CDH13: variants seen among roughly 807,000 people sequenced by gnomAD.
CDH13 encodes cadherin-13.
A neutral mutation model predicts 63.8 loss-of-function variants in CDH13; 24 were observed. The observed-to-expected ratio is 0.38, with a 90% CI of 0.27 to 0.53. The LOEUF is 0.53. Ranked by LOEUF, CDH13 falls within the 20% of genes least tolerant of loss-of-function variation. The pLI is 0.85. For synonymous variants in CDH13, 503 were observed against 355.3 expected (o/e 1.42, Z -4.67); for missense variants, 1,049 against 903.1 (o/e 1.16, Z -2.07).
intron 1 of CDH13, among the ~76,000 whole-genome samples, chr16:82,664,266 G>C (rs1193290811): frequency 6.6e-6 from 1 of 152,242 alleles, no homozygotes; most frequent in Non-Finnish European, 1.5e-5. Flanking sequence ...CTCCTCCTCA[G>C]ATGGATGGAG....
At chr16:82,806,020 A>G (rs976171454) in intron 1 of CDH13, among the ~76,000 whole-genome samples, 3 of 152,200 alleles carry the variant, frequency 2.0e-5, no homozygotes, top group African/African-American at 4.8e-5. Flanking sequence ...CTTACAAGGC[A>G]CATGGCAGGT....
At chr16:83,663,656 G>GGA (rs1209943082) in intron 8 of CDH13, among the ~76,000 whole-genome samples, 1 of 152,134 alleles carries the variant, frequency 6.6e-6, no homozygotes, top group Non-Finnish European at 1.5e-5. Flanking sequence ...CTCAACAATG[G>GGA]GAGAGGCATG....
At chr16:83,693,656 G>A (rs561622854) in intron 10 of CDH13, among the ~76,000 whole-genome samples, 17 of 152,266 alleles carry the variant, frequency 1.1e-4, no homozygotes, top group African/African-American at 2.9e-4. Context: ...AATGAATGGC[G>A]AACTGCTATT....
chr16:83,171,495 T>G, intron 4 of CDH13: 1 of 1,524,280 alleles, frequency 6.6e-7, no homozygotes, highest in Non-Finnish European at 8.8e-7. Flanking sequence ...GAAAATAGAC[T>G]GCCCATAAAT....
At chr16:82,740,581 G>C (rs1305779493) in intron 1 of CDH13, among the ~76,000 whole-genome samples, 1 of 152,122 alleles carries the variant, frequency 6.6e-6, no homozygotes, top group East Asian at 1.9e-4. Flanking sequence ...ATCTAGGCTG[G>C]GCTCAGCTGG....
intron 2 of CDH13, among the ~76,000 whole-genome samples, chr16:82,922,771 C>A (rs1052233652): frequency 8.5e-5 from 13 of 152,108 alleles, no homozygotes; most frequent in Non-Finnish European, 1.9e-4. Context: ...AAAATAAAAT[C>A]TCTTTGGTGA....
intron 5 of CDH13, among the ~76,000 whole-genome samples, chr16:83,286,009 C>T (rs527660039): frequency 6.6e-5 from 10 of 152,234 alleles, no homozygotes; most frequent in African/African-American, 2.4e-4. Context: ...GAGCAAAGAG[C>T]CGTTGCCCAA....
intron 3 of CDH13, among the ~76,000 whole-genome samples, chr16:83,036,394 C>T (rs909736499): frequency 2.5e-4 from 38 of 152,182 alleles, no homozygotes; most frequent in African/African-American, 9.2e-4. Context: ...AAGTGATCCT[C>T]CTGCCTCAGC....
intron 7 of CDH13, among the ~76,000 whole-genome samples, chr16:83,602,107 C>A (rs796400871): frequency 0.026 from 207 of 7,928 alleles, 1 homozygote; most frequent in East Asian, 0.062. Flanking sequence ...AGAACAACAA[C>A]AAAAAAAAAA....
chr16:83,469,654 C>T (rs893827956), intron 6 of CDH13, among the ~76,000 whole-genome samples: 1 of 152,072 alleles, frequency 6.6e-6, no homozygotes, highest in Non-Finnish European at 1.5e-5. Flanking sequence ...AAAATGTGGC[C>T]AGTGGAAGGT....
chr16:83,177,627 T>C (rs906145242), intron 4 of CDH13, among the ~76,000 whole-genome samples: 1 of 152,198 alleles, frequency 6.6e-6, no homozygotes, highest in Non-Finnish European at 1.5e-5. Flanking sequence ...TGGGGACCAT[T>C]ACTCTTGCCT....
In CDH13 at chr16:82,879,180, C is replaced by G. The variant is rs998225451; in HGVS notation, c.157+20707C>G. Among the ~76,000 whole-genome samples the G allele has an allele frequency of 4.6e-5, 7 of 152,094 alleles. 1 individual carries two copies. The highest frequency in any genetic ancestry group is 4.6e-4 in the Admixed American group (7 of 15,248). ...TCATAGTATTGGTGGCAGGCAGATG[C>G]CCAGCTCTGGCACCTGAATGCTTGG... On this transcript the variant is annotated intron_variant, in intron 2 of 13. Transcript: ENST00000567109.
At position 83,501,824 on chromosome 16, in the gene CDH13, A is replaced by G. The variant is rs187825594; in HGVS notation, c.960+15169A>G. Among the ~76,000 whole-genome samples the G allele has an allele frequency of 1.9e-3, 293 of 152,354 alleles. 2 individuals are homozygous for G. Among genetic ancestry groups the G allele is most frequent in the Middle Eastern group, 6.8e-3 (2 of 294 alleles). On this transcript the variant is annotated intron_variant, in intron 7 of 13. Transcript: ENST00000567109. ...TGTCTCAAGGACAACTTTATCTTTT[A>G]TCAGACTCATTTCAGGGATTTCTGT...
intron 4 of CDH13, among the ~76,000 whole-genome samples, chr16:83,202,465 A>G (rs2039059705): frequency 1.3e-5 from 2 of 152,204 alleles, no homozygotes; most frequent in Middle Eastern, 3.2e-3. Flanking sequence ...TGGAAGAGAC[A>G]GTAGCGGCTT....
At chr16:83,651,298 A>C (rs144201456) in intron 8 of CDH13, among the ~76,000 whole-genome samples, 59 of 152,320 alleles carry the variant, frequency 3.9e-4, no homozygotes, top group African/African-American at 1.3e-3. Context: ...AATGATGTTC[A>C]GTGCAACAAA....
chr16:83,391,255 G>A (rs1447278966), intron 6 of CDH13, among the ~76,000 whole-genome samples: 7 of 151,602 alleles, frequency 4.6e-5, no homozygotes, highest in Admixed American at 2.0e-4. Flanking sequence ...GCCCAGGATG[G>A]ACTGCAATAA....
At chr16:83,756,273 A>G (rs193043284) in intron 11 of CDH13, among the ~76,000 whole-genome samples, 1 of 152,368 alleles carries the variant, frequency 6.6e-6, no homozygotes, top group East Asian at 1.9e-4. Context: ...TGCAAAATGT[A>G]AACAGATTAA....
chr16:83,581,799 A>G lies in CDH13; in HGVS notation c.961-20655A>G, dbSNP rs9673987. Among the ~76,000 whole-genome samples the G allele has an allele frequency of 6.6e-3, 1,012 of 152,316 alleles. 11 individuals carry two copies. The highest frequency in any genetic ancestry group is 0.023 in the African/African-American group (959 of 41,558). ...ATGCTATTGCACTCCAGCCTGGGTA[A>G]CAGAGCAAGACCCTGTCTCAATAAA... On this transcript the variant is annotated intron_variant, in intron 7 of 13. Coordinates refer to ENST00000567109, the MANE Select transcript of CDH13 (RefSeq NM_001257.5).
At chr16:82,979,684 T>C (rs1325181242) in intron 2 of CDH13, among the ~76,000 whole-genome samples, 1 of 152,204 alleles carries the variant, frequency 6.6e-6, no homozygotes, top group Non-Finnish European at 1.5e-5. Flanking sequence ...CTTTCCTTTA[T>C]AAATTACCCA....
Sources: allele counts gnomAD v4.1 joint callset (sites outside exome capture counted in the v4.1 genomes callset), GRCh38; gene constraint gnomAD v4.1.1; transcripts MANE v1.5; gene names NCBI Gene and HGNC (gene_info 2026-07-23, HGNC 2026-07-21).